The following NRG3 variants were observed in gnomAD, a reference collection of about 807,000 sequenced individuals.
NRG3 encodes neuregulin 3.
Under a neutral mutation model 66.9 loss-of-function variants are expected in NRG3, and 31 were observed. The observed-to-expected ratio is 0.46, with a 90% confidence interval of 0.35 to 0.63. The LOEUF is 0.63. Among genes scored for constraint, NRG3 ranks in the 20% least tolerant of loss-of-function variants. The probability of loss-of-function intolerance (pLI) is 0.00; values close to 1 mark genes in which losing one functional copy is unlikely to be tolerated. For synonymous variants in NRG3, 393 were observed against 359.4 expected, an observed-to-expected ratio of 1.09 and a Z score of -1.06; for missense variants, 910 against 878.9, an observed-to-expected ratio of 1.04 and a Z score of -0.45.
intron 2 of NRG3, among the ~76,000 whole-genome samples, chr10:82,493,351 G>C (rs750556550): frequency 3.9e-5 from 6 of 152,022 alleles, no homozygotes; most frequent in Non-Finnish European, 7.4e-5. Flanking sequence ...TCATTGTTCA[G>C]CTCCTACTTA....
chr10:82,313,660 G>GACCACACCAA (rs11281296), intron 1 of NRG3, among the ~76,000 whole-genome samples: 1 of 151,964 alleles, frequency 6.6e-6, no homozygotes, highest in African/African-American at 2.4e-5. Context: ...CTCATTCCCA[G>GACCACACCAA]GTCAGATTCT....
intron 4 of NRG3, among the ~76,000 whole-genome samples, chr10:82,921,697 T>C (rs894410399): frequency 1.4e-4 from 21 of 152,334 alleles, no homozygotes; most frequent in African/African-American, 4.8e-4. Flanking sequence ...GTGCTTCTTC[T>C]ATTTCCTGAA....
intron 4 of NRG3, among the ~76,000 whole-genome samples, chr10:82,875,747 T>G (rs553252924): frequency 1.3e-5 from 2 of 152,348 alleles, no homozygotes; most frequent in Admixed American, 1.3e-4. Flanking sequence ...CCTCCAAGTA[T>G]TTTGTTTTAA....
chr10:82,364,444 A>C (rs1004345180), intron 2 of NRG3, among the ~76,000 whole-genome samples: 1 of 152,218 alleles, frequency 6.6e-6, no homozygotes, highest in Non-Finnish European at 1.5e-5. Flanking sequence ...TTGAATCAAA[A>C]TATTCTGAAT....
At chr10:82,059,714 TC>T (rs1287049183) in intron 1 of NRG3, among the ~76,000 whole-genome samples, 1 of 152,046 alleles carries the variant, frequency 6.6e-6, no homozygotes, top group Admixed American at 6.5e-5. Context: ...GTACACCTAA[TC>T]AATCCATCCT....
intron 2 of NRG3, among the ~76,000 whole-genome samples, chr10:82,498,800 T>C (rs1039728413): frequency 1.3e-5 from 2 of 152,142 alleles, no homozygotes; most frequent in Non-Finnish European, 2.9e-5. Flanking sequence ...CATATGGCAC[T>C]GTGGGGGTTC....
intron 3 of NRG3, among the ~76,000 whole-genome samples, chr10:82,741,735 T>A (rs1418327295): frequency 4.6e-5 from 7 of 152,110 alleles, no homozygotes. Context: ...CCATTCCAAA[T>A]GACTCCAGGA....
At chr10:82,295,083 T>A (rs1185715138) in intron 1 of NRG3, among the ~76,000 whole-genome samples, 1 of 149,564 alleles carries the variant, frequency 6.7e-6, no homozygotes, top group African/African-American at 2.5e-5. Context: ...AAAAAAAAAA[T>A]TCAACCTGTT....
chr10:82,771,023 T>G (rs115044543), intron 3 of NRG3, among the ~76,000 whole-genome samples: 2 of 152,134 alleles, frequency 1.3e-5, no homozygotes, highest in African/African-American at 4.8e-5. Context: ...CAAAGCTTTT[T>G]GAATTAATGA....
intron 1 of NRG3, among the ~76,000 whole-genome samples, chr10:82,064,668 G>C (rs950182918): frequency 6.6e-6 from 1 of 152,158 alleles, no homozygotes; most frequent in Non-Finnish European, 1.5e-5. Context: ...TTAAGTACAA[G>C]AGAAATCTGA....
intron 2 of NRG3, among the ~76,000 whole-genome samples, chr10:82,426,107 C>T (rs569482609): frequency 6.6e-6 from 1 of 152,244 alleles, no homozygotes; most frequent in African/African-American, 2.4e-5. Flanking sequence ...CCTTTCGGCT[C>T]AGGTAGTATT....
intron 2 of NRG3, among the ~76,000 whole-genome samples, chr10:82,659,564 G>C (rs2052154650): frequency 6.6e-6 from 1 of 152,124 alleles, no homozygotes; most frequent in Non-Finnish European, 1.5e-5. Flanking sequence ...AGAATAACTT[G>C]AACATGGGGG....
intron 3 of NRG3, among the ~76,000 whole-genome samples, chr10:82,739,473 T>C (rs995726962): frequency 2.0e-5 from 3 of 152,358 alleles, no homozygotes; most frequent in Non-Finnish European, 2.9e-5. Context: ...ATATCATACA[T>C]ACGTAACACA....
chr10:81,992,778 T>C (rs1449106456), intron 1 of NRG3, among the ~76,000 whole-genome samples: 1 of 152,154 alleles, frequency 6.6e-6, no homozygotes, highest in East Asian at 1.9e-4. Context: ...TGTGATCCAA[T>C]ATAGACATTC....
intron 3 of NRG3, among the ~76,000 whole-genome samples, chr10:82,745,546 C>T (rs573764888): frequency 5.3e-5 from 8 of 152,166 alleles, no homozygotes; most frequent in South Asian, 4.2e-4. Context: ...CTCTTATTAC[C>T]GTTTTTCTGG....
At chr10:82,871,256 C>T (rs1328091536) in intron 4 of NRG3, among the ~76,000 whole-genome samples, 1 of 146,648 alleles carries the variant, frequency 6.8e-6, no homozygotes, top group Non-Finnish European at 1.5e-5. Flanking sequence ...ATTCTGAGTT[C>T]TTTGTTCTGT....
chr10:82,667,478 CTAAG>C (rs1189730608), intron 2 of NRG3, among the ~76,000 whole-genome samples: 1 of 152,166 alleles, frequency 6.6e-6, no homozygotes, highest in Non-Finnish European at 1.5e-5. Context: ...CCCGTTGACT[CTAAG>C]TAGTCTTTAG....
At chr10:82,798,954 CT>C (rs2060914529) in intron 3 of NRG3, among the ~76,000 whole-genome samples, 1 of 152,092 alleles carries the variant, frequency 6.6e-6, no homozygotes, top group African/African-American at 2.4e-5. Context: ...CACAGAGGCT[CT>C]GCAGGTGACT....
chr10:82,314,176 A>G (rs2081178770), intron 1 of NRG3, among the ~76,000 whole-genome samples: 1 of 152,184 alleles, frequency 6.6e-6, no homozygotes, highest in African/African-American at 2.4e-5. Context: ...TGAATTTTTC[A>G]TTTGTAAGGA....
Sources: gnomAD v4.1 joint callset for allele counts (sites outside exome capture counted in the v4.1 genomes callset) on GRCh38, gnomAD v4.1.1 for gene constraint, MANE v1.5 for transcripts, NCBI Gene and HGNC (gene_info 2026-07-23, HGNC 2026-07-21) for gene names.